Variants in STPG2 observed in about 807,000 individuals in gnomAD.
The protein encoded by STPG2 is sperm-tail PG-rich repeat-containing protein 2.
A neutral mutation model predicts 54.2 loss-of-function variants in STPG2; 56 were observed. The observed-to-expected ratio is 1.03, with a 90% CI of 0.83 to 1.29. The LOEUF is 1.29. Among genes scored for constraint, STPG2 ranks in the 50% most tolerant of loss-of-function variants. STPG2 has a pLI of 0.00. For synonymous variants in STPG2, 200 were observed against 181.8 expected (o/e 1.10, Z -0.81); for missense variants, 596 against 544.9 (o/e 1.09, Z -0.93).
At chr4:97,686,941 ATTT>A (rs1345242792) in intron 10 of STPG2, among the ~76,000 whole-genome samples, 3 of 57,814 alleles carry the variant, frequency 5.2e-5, no homozygotes, top group African/African-American at 1.2e-4. Context: ...TATTATTATT[ATTT>A]TTTTTTTTGA....
At chr4:97,729,521 A>G (rs187359329) in intron 9 of STPG2, among the ~76,000 whole-genome samples, 5 of 152,298 alleles carry the variant, frequency 3.3e-5, no homozygotes, top group Admixed American at 3.3e-4. Flanking sequence ...TTAGAAACTG[A>G]ATTTGGCATG....
At chr4:97,765,700 T>C (rs572414471) in intron 9 of STPG2, among the ~76,000 whole-genome samples, 1 of 152,258 alleles carries the variant, frequency 6.6e-6, no homozygotes, top group Non-Finnish European at 1.5e-5. Flanking sequence ...ACTACAGCAA[T>C]GCTTAGAGAA....
At chr4:98,026,113 T>G (rs1736410894) in intron 5 of STPG2, 1 of 1,459,652 alleles carries the variant, frequency 6.9e-7, no homozygotes, top group African/African-American at 1.4e-5. Flanking sequence ...CTCATGCTGC[T>G]ATACGAGAGA....
intron 8 of STPG2, among the ~76,000 whole-genome samples, chr4:97,864,057 TC>T (rs561823316): frequency 6.8e-4 from 103 of 152,268 alleles, no homozygotes; most frequent in African/African-American, 2.4e-3. Flanking sequence ...ATGCCCTCTC[TC>T]ACCACTCCTA....
intron 2 of STPG2, among the ~76,000 whole-genome samples, chr4:98,131,277 C>T (rs1193110665): frequency 3.3e-5 from 5 of 152,116 alleles, no homozygotes; most frequent in Admixed American, 3.3e-4. Context: ...TCTAAGATAG[C>T]ATTTCATTAA....
intron 9 of STPG2, among the ~76,000 whole-genome samples, chr4:97,787,388 G>A (rs1013292983): frequency 2.6e-5 from 4 of 151,690 alleles, no homozygotes; most frequent in African/African-American, 7.3e-5. Context: ...TATGCTCATC[G>A]GTTTTTATTT....
intron 5 of STPG2, among the ~76,000 whole-genome samples, chr4:98,088,970 T>C (rs960566411): frequency 2.0e-5 from 3 of 152,202 alleles, no homozygotes; most frequent in African/African-American, 7.2e-5. Context: ...GGTATTAATA[T>C]ATAAAACAGG....
At position 97,771,174 on chromosome 4, in the gene STPG2, G is replaced by C. The variant is rs75459452; in HGVS notation, c.1205-58360C>G. On this transcript the variant is annotated intron_variant, in intron 9 of 10. Coordinates refer to ENST00000295268, the MANE Select transcript of STPG2 (RefSeq NM_174952.3). ...AGGAATTTGTCATCAAATCCTATTG[G>C]CATAACAAGGTAATAAAATAAGGCA... Among the ~76,000 whole-genome samples, 1,446 of 152,190 alleles carry C rather than the reference G, an allele frequency of 9.5e-3. 25 individuals carry two copies. Among genetic ancestry groups the C allele is most frequent in the African/African-American group, 0.033 (1,363 of 41,504 alleles).
At chr4:98,021,928 G>A (rs1231158262) in intron 5 of STPG2, among the ~76,000 whole-genome samples, 1 of 151,880 alleles carries the variant, frequency 6.6e-6, no homozygotes, top group Non-Finnish European at 1.5e-5. Context: ...CCTGAGATGG[G>A]TTTCCTGAAT....
intron 4 of STPG2, among the ~76,000 whole-genome samples, chr4:97,539,811 G>A (rs1731647281): frequency 6.6e-6 from 1 of 152,072 alleles, no homozygotes; most frequent in South Asian, 2.1e-4. Context: ...CTAGAACTCA[G>A]GATTAAGAAA....
chr4:97,498,094 G>A (rs1730648614), intron 4 of STPG2, among the ~76,000 whole-genome samples: 1 of 151,848 alleles, frequency 6.6e-6, no homozygotes. Flanking sequence ...GAAAACAAGG[G>A]TGTGTGATTA....
intron 8 of STPG2, among the ~76,000 whole-genome samples, chr4:97,852,626 A>T (rs1729196971): frequency 1.3e-5 from 2 of 152,304 alleles, no homozygotes; most frequent in South Asian, 4.1e-4. Context: ...TAAGTTATAA[A>T]TATCTCAGCA....
chr4:97,889,500 C>G (rs114479630), intron 8 of STPG2, among the ~76,000 whole-genome samples: 1 of 152,012 alleles, frequency 6.6e-6, no homozygotes, highest in Non-Finnish European at 1.5e-5. Context: ...AAAAGTAAAC[C>G]CTTCTATTCA....
chr4:97,974,946 C>T (rs1199570099), intron 6 of STPG2, among the ~76,000 whole-genome samples: 1 of 151,920 alleles, frequency 6.6e-6, no homozygotes, highest in Admixed American at 6.6e-5. Flanking sequence ...TGTGCTACAC[C>T]CAAACCATGG....
At chr4:97,585,096 ATTCTC>A (rs1732958238) in intron 10 of STPG2, among the ~76,000 whole-genome samples, 1 of 68,854 alleles carries the variant, frequency 1.5e-5, no homozygotes, top group African/African-American at 4.1e-5. Flanking sequence ...GACATAAAAT[ATTCTC>A]AAAAAAAAAA....
At chr4:98,030,675 C>A (rs1051976364) in intron 5 of STPG2, among the ~76,000 whole-genome samples, 8 of 151,874 alleles carry the variant, frequency 5.3e-5, no homozygotes, top group Non-Finnish European at 1.0e-4. Flanking sequence ...GATACTGGTA[C>A]AAAAAAATAG....
intron 10 of STPG2, among the ~76,000 whole-genome samples, chr4:97,564,649 T>C (rs143197653): frequency 0.15 from 22,882 of 152,074 alleles, 5,059 homozygotes; most frequent in African/African-American, 0.49. Context: ...AATCTCTCAG[T>C]GTTTGCTTGT....
At chr4:97,459,566 A>C (rs1729611575) in intron 4 of STPG2, among the ~76,000 whole-genome samples, 1 of 147,868 alleles carries the variant, frequency 6.8e-6, no homozygotes, top group Admixed American at 6.9e-5. Flanking sequence ...CAGCCTCCCC[A>C]GTAGCTGGGA....
chr4:97,901,518 C>G (rs1193864505), intron 8 of STPG2, among the ~76,000 whole-genome samples: 1 of 151,890 alleles, frequency 6.6e-6, no homozygotes, highest in Non-Finnish European at 1.5e-5. Flanking sequence ...ATACAAAAAT[C>G]ACATGCTTGC....
Sources: allele counts gnomAD v4.1 joint callset (sites outside exome capture counted in the v4.1 genomes callset), GRCh38; gene constraint gnomAD v4.1.1; transcripts MANE v1.5; gene names NCBI Gene and HGNC (gene_info 2026-07-23, HGNC 2026-07-21).